The following MED24 variants were observed in gnomAD, a reference collection of about 807,000 sequenced individuals.
MED24 encodes the protein mediator of RNA polymerase II transcription subunit 24.
MED24 carries 74 observed loss-of-function variants against 118.8 expected under a neutral mutation model. The observed-to-expected ratio is 0.62, with a 90% CI of 0.52 to 0.76. The LOEUF is 0.76. MED24 is among the 30% of genes least tolerant of loss of function. MED24 has a pLI of 0.00. For missense variants in MED24, 1,041 were observed against 1,278.9 expected (o/e 0.81, Z 2.84); for synonymous variants, 521 against 523.9 (o/e 0.99, Z 0.08).
chr17:40,022,129 C>T lies in MED24; in HGVS notation c.2524-75G>A. On this transcript the variant is annotated intron_variant, in intron 22 of 25. Transcript: ENST00000394128. ...CAGCTGTCAGGGAAAAGAGCTTGAG[C>T]TCCGATTTGAGCGAGGTCAGCATGG... 3 of 1,233,596 alleles carry T rather than the reference C, an allele frequency of 2.4e-6. No homozygotes were observed. In the East Asian group the frequency reaches 7.2e-5, roughly 30 times the overall value. The allele number at this position is 1,233,596 out of a possible 1,614,324, so 76.4% of individuals were successfully genotyped here.
At chr17:40,032,591 A>T (rs7502514) in intron 9 of MED24, 58 bp downstream of exon 9, 4 of 1,396,986 alleles carry the variant, frequency 2.9e-6, no homozygotes, top group Admixed American at 1.8e-5. Context: ...CCAGGGTGCC[A>T]CTGGTCTTGC....
At chr17:40,019,749 CA>C (rs1981717875) in intron 25 of MED24, 35 bp downstream of exon 25, 1 of 1,607,342 alleles carries the variant, frequency 6.2e-7, no homozygotes, top group South Asian at 1.1e-5. Flanking sequence ...CCCGAGGCCC[CA>C]GCACCAGCAG....
chr17:40,023,497 G>A (rs1342923563), intron 19 of MED24, 102 bp from the exon 20 acceptor site: 32 of 1,228,276 alleles, frequency 2.6e-5, no homozygotes, highest in Middle Eastern at 2.5e-4. Context: ...CTTAGGTTAC[G>A]GAAATCTCCC....
At chr17:40,052,038 T>C (rs1170858324) in intron 3 of MED24, among the ~76,000 whole-genome samples, 1 of 151,330 alleles carries the variant, frequency 6.6e-6, no homozygotes, top group African/African-American at 2.4e-5. Context: ...CTCACACCTG[T>C]AATCCTAGCA....
chr17:40,019,926 C>T lies in MED24; in HGVS notation c.2712G>A (p.Leu904=), dbSNP rs902839262. Residue 904 remains leucine (L), a synonymous_variant, in exon 25 of 26, where the codon CTG becomes CTA. Coordinates refer to ENST00000394128, the MANE Select transcript of MED24 (RefSeq NM_014815.4). ...CCAGGATGGAGGAGATGAGCAGGAA[C>T]AGGTTGGCTGTAGAGAGTGGGGGGA... is the stretch of plus-strand genomic sequence containing the variant. ...RDPLNRVLAN[L]FLLISSILGS... is the part of the protein sequence containing the mutation. 1.2e-5 allele frequency: 18 copies of T among 1,564,894 alleles called. No individual in the cohort carries two copies. Among genetic ancestry groups the T allele is most frequent in the Non-Finnish European group, 1.3e-5 (15 of 1,154,028 alleles).
At chr17:40,029,116 C>T in intron 13 of MED24, 148 bp from the exon 14 acceptor site, 2 of 1,053,380 alleles carry the variant, frequency 1.9e-6, no homozygotes, top group Non-Finnish European at 2.7e-6. Context: ...TAAAACCCAC[C>T]CCTGCTCTCC....
At chr17:40,044,384 G>A (rs1479608031) in intron 3 of MED24, among the ~76,000 whole-genome samples, 1 of 151,820 alleles carries the variant, frequency 6.6e-6, no homozygotes, top group Non-Finnish European at 1.5e-5. Flanking sequence ...GCTGGGCATG[G>A]TGGCGCATGC....
chr17:40,034,853 C>CGGGGGGGGGGGGGG, intron 6 of MED24: 1 of 309,118 alleles, frequency 3.2e-6, no homozygotes, highest in Non-Finnish European at 6.0e-6. Context: ...CTTTGGTAGC[C>CGGGGGGGGGGGGGG]CCCCACCCCC....
intron 11 of MED24, 40 bp downstream of exon 11, chr17:40,031,498 C>G: frequency 6.4e-7 from 1 of 1,565,370 alleles, no homozygotes; most frequent in Non-Finnish European, 8.8e-7. Flanking sequence ...GAGCCCAGAA[C>G]GCCTTCCAGT....
rs1318508271 is a variant in MED24 at position 40,019,817 on chromosome 17, C to T, written c.2821G>A (p.Gly941Ser). 1 of 1,606,154 alleles carries T rather than the reference C, an allele frequency of 6.2e-7. No homozygotes were observed. Among genetic ancestry groups the T allele is most frequent in the Non-Finnish European group, 8.5e-7 (1 of 1,176,132 alleles). The change falls in exon 25 of 26, where the codon GGC (glycine) becomes AGC (serine). Residue 941 changes from glycine (G) to serine (S), a missense_variant. Coordinates refer to ENST00000394128, the MANE Select transcript of MED24 (RefSeq NM_014815.4). The stretch of plus-strand genomic sequence containing the variant: ...AAGGGCATGAACTGCAGGACGCTGC[C>T]ACGGCCACCCTGCTCCAGGCAGTCC... ...CVDCLEQGGR[G>S]SVLQFMPFTT...
At chr17:40,047,387 C>T (rs759713682) in intron 3 of MED24, among the ~76,000 whole-genome samples, 1 of 151,938 alleles carries the variant, frequency 6.6e-6, no homozygotes, top group African/African-American at 2.4e-5. Context: ...ATAGGCCAGG[C>T]GTGGTGGCTC....
Position 40,044,878 on chromosome 17 carries a change from C to CAA in MED24, c.213+8418_213+8419dup, listed in dbSNP as rs5820328. Among the ~76,000 whole-genome samples, 491 of 113,728 alleles carry CAA rather than the reference C, an allele frequency of 4.3e-3. 8 individuals carry two copies. The highest frequency in any genetic ancestry group is 0.016 in the African/African-American group (459 of 28,422). The allele number at this position is 113,728 out of a possible 152,430, so 74.6% of individuals were successfully genotyped here. On this transcript the variant is annotated intron_variant, in intron 3 of 25. Transcript: ENST00000394128. ...TGGGCGACACAGCGAGACTCCATCTCAAAAAAAAAAAAAAAAATTATATCC... is the reference window on the plus strand; with the variant it reads ...TGGGCGACACAGCGAGACTCCATCTCAAAAAAAAAAAAAAAAAAATTATATCC...
At position 40,023,394 on chromosome 17, in the gene MED24, C is replaced by A; in HGVS notation, c.1987G>T (p.Val663Leu). ...TCCAGGATCGAGTTCATGATCACCA[C>A]CCTGGGGGAGGGCCGAGAGAACCTG... ...ENTLQFYNER[V>L]VIMNSILERM... Residue 663 changes from valine (V) to leucine (L), a missense_variant and splice_region_variant, in exon 20 of 26, where the codon GTG becomes TTG. Val to Leu is a conservative substitution (Grantham distance 32). Around this residue, in one of 3 missense-constraint regions of MED24, gnomAD observed 587 missense variants for 694.4 expected, o/e 0.85. Coordinates refer to ENST00000394128, the MANE Select transcript of MED24 (RefSeq NM_014815.4). The A allele has an allele frequency of 1.3e-6, 2 of 1,584,998 alleles. No individual in the cohort carries two copies. The highest frequency in any genetic ancestry group is 2.3e-5 in the South Asian group (2 of 85,902).
intron 23 of MED24, chr17:40,020,692 A>C: frequency 2.7e-6 from 1 of 369,322 alleles, no homozygotes; most frequent in South Asian, 2.1e-5. Context: ...AGGCTGAGGC[A>C]GACTGCTTGA....
In MED24 at chr17:40,023,250, G is replaced by C. The variant is rs371184042; in HGVS notation, c.2131C>G (p.Leu711Val). ...LPPKRPIKEV[L>V]TDIFAKVLEK... ...AGCACCTTGGCAAAAATGTCCGTCAGCACCTCTTTGATGGGCCGCTTGGGG... is the reference window on the plus strand; with the variant it reads ...AGCACCTTGGCAAAAATGTCCGTCACCACCTCTTTGATGGGCCGCTTGGGG... The change falls in exon 20 of 26, where the codon CTG (leucine) becomes GTG (valine). Residue 711 changes from leucine to valine, a missense_variant. Coordinates refer to ENST00000394128, the MANE Select transcript of MED24 (RefSeq NM_014815.4). The C allele has an allele frequency of 2.5e-5, 40 of 1,614,076 alleles. No individual in the cohort carries two copies. In the African/African-American group the frequency reaches 4.5e-4, roughly 18 times the overall value.
intron 12 of MED24, among the ~76,000 whole-genome samples, chr17:40,030,327 G>A (rs1360729151): frequency 2.0e-5 from 3 of 150,232 alleles, no homozygotes; most frequent in South Asian, 2.1e-4. Context: ...ACAGAGTCTC[G>A]CTCTGTCACC....
At position 40,022,841 on chromosome 17, in the gene MED24, A is replaced by AG. The variant is rs1394281187; in HGVS notation, c.2251-16dup. Reference sequence around the variant, plus strand: ...TTCAGCAGCTCCTAGTGCGCAGGAAAGGGGGCAGTTCAGGAGCCAGGGGCC... The same window carrying AG: ...TTCAGCAGCTCCTAGTGCGCAGGAAAGGGGGGCAGTTCAGGAGCCAGGGGCC... On this transcript the variant is annotated splice_polypyrimidine_tract_variant and intron_variant, in intron 20 of 25. Transcript: ENST00000394128. 29 of 1,611,638 alleles carry AG rather than the reference A, an allele frequency of 1.8e-5. No homozygotes were observed. Among genetic ancestry groups the AG allele is most frequent in the Non-Finnish European group, 2.4e-5 (28 of 1,179,636 alleles).
intron 3 of MED24, among the ~76,000 whole-genome samples, chr17:40,038,489 G>A (rs9892303): frequency 0.026 from 3,922 of 152,160 alleles, 184 homozygotes; most frequent in African/African-American, 0.089. Context: ...AAGGAGGGTG[G>A]ATCACGGGGT....
chr17:40,040,601 GT>G (rs925864207), intron 3 of MED24, among the ~76,000 whole-genome samples: 16 of 143,368 alleles, frequency 1.1e-4, no homozygotes, highest in East Asian at 2.0e-4. Context: ...ACATATAAAA[GT>G]TTTTTTTTTT....
Sources: gnomAD v4.1 joint callset for allele counts (sites outside exome capture counted in the v4.1 genomes callset) on GRCh38, gnomAD v4.1.1 for gene constraint, gnomAD v4.1.1 regional missense constraint, MANE v1.5 for transcripts, NCBI Gene and HGNC (gene_info 2026-07-23, HGNC 2026-07-21) for gene names.